PTPN12: variants seen among roughly 807,000 people sequenced by gnomAD.
The protein encoded by PTPN12 is protein tyrosine phosphatase non-receptor type 12.
PTPN12 carries 29 observed loss-of-function variants against 97.6 expected under a neutral mutation model. That is an observed-to-expected ratio of 0.30 (90% CI 0.22 to 0.41). The LOEUF (loss-of-function observed/expected upper bound fraction) is 0.41. Ranked by LOEUF, PTPN12 falls within the 10% of genes least tolerant of loss-of-function variation. The pLI is 1.00. For synonymous variants in PTPN12, 327 were observed against 300.4 expected, an observed-to-expected ratio of 1.09 and a Z score of -0.91; for missense variants, 819 against 926.0, an observed-to-expected ratio of 0.88 and a Z score of 1.50.
At chr7:77,542,134 A>C (rs1004785904) in intron 1 of PTPN12, among the ~76,000 whole-genome samples, 1 of 152,184 alleles carries the variant, frequency 6.6e-6, no homozygotes, top group African/African-American at 2.4e-5. Context: ...AGTTAGGTAG[A>C]GGTCTTTTTG....
chr7:77,548,396 C>T (rs1169653823), intron 1 of PTPN12, among the ~76,000 whole-genome samples: 1 of 152,166 alleles, frequency 6.6e-6, no homozygotes, highest in Non-Finnish European at 1.5e-5. Context: ...TGCTACAAAA[C>T]CATGAAGAAT....
chr7:77,537,985 G>GT, intron 1 of PTPN12: 23 of 995,802 alleles, frequency 2.3e-5, no homozygotes, highest in Non-Finnish European at 2.7e-5. Flanking sequence ...GGCCGGGGGG[G>GT]GGGGCTCGCG....
At chr7:77,589,242 T>C (rs1014526603) in intron 5 of PTPN12, among the ~76,000 whole-genome samples, 1 of 152,172 alleles carries the variant, frequency 6.6e-6, no homozygotes, top group Non-Finnish European at 1.5e-5. Flanking sequence ...TTGTTTCCTA[T>C]CTTCAAAACT....
At chr7:77,615,411 C>T (rs1788714396) in intron 11 of PTPN12, among the ~76,000 whole-genome samples, 1 of 152,050 alleles carries the variant, frequency 6.6e-6, no homozygotes, top group Non-Finnish European at 1.5e-5. Flanking sequence ...TGGAAAATAA[C>T]AGTACGCAAG....
At chr7:77,567,986 T>TC (rs1562717451) in intron 1 of PTPN12, among the ~76,000 whole-genome samples, 3 of 152,156 alleles carry the variant, frequency 2.0e-5, no homozygotes, top group Non-Finnish European at 4.4e-5. Context: ...TGACATTTTT[T>TC]GGTGGGAAAT....
At position 77,537,406 on chromosome 7, in the gene PTPN12, G is replaced by C; in HGVS notation, c.-141G>C. ...CAGCCGCCGCCTAGGGCGGTGGGGAGGAGGAGGGAGCCGCGGGGCTTGGCG... is the reference window on the plus strand; with the variant it reads ...CAGCCGCCGCCTAGGGCGGTGGGGACGAGGAGGGAGCCGCGGGGCTTGGCG... On this transcript the variant is annotated 5_prime_UTR_variant, in exon 1 of 18. Coordinates refer to ENST00000248594, the MANE Select transcript of PTPN12 (RefSeq NM_002835.4). 2 of 1,264,528 alleles carry C rather than the reference G, an allele frequency of 1.6e-6. No individual in the cohort carries two copies. Among genetic ancestry groups the C allele is most frequent in the South Asian group, 3.4e-5 (2 of 59,376 alleles). 78.3% of individuals were successfully genotyped at this position (1,264,528 alleles called of 1,614,324 possible). A position where few individuals can be genotyped will look rare whatever the true frequency, so the allele number is the denominator to read the frequency against.
chr7:77,635,654 G>A, intron 14 of PTPN12, 128 bp from the exon 15 acceptor site: 1 of 512,710 alleles, frequency 2.0e-6, no homozygotes, highest in Non-Finnish European at 3.3e-6. Flanking sequence ...TGCTTACCCA[G>A]AAACTACAAA....
rs779176220 is a variant in PTPN12, at chr7:77,537,664, T to C, written c.99+19T>C. ...CTTCATGGTGAGTCTCTCCCCTCGC[T>C]GTCGCGTTTTCTTGCCGGCGCCGGA... is the stretch of plus-strand genomic sequence containing the variant. On this transcript the variant is annotated intron_variant, in intron 1 of 17. Transcript: ENST00000248594. 5.7e-6 allele frequency: 9 copies of C among 1,573,770 alleles called. No homozygotes were observed. In the South Asian group the frequency reaches 8.1e-5, roughly 14 times the overall value.
chr7:77,637,747 C>G (rs1789645175), intron 16 of PTPN12, among the ~76,000 whole-genome samples: 2 of 147,578 alleles, frequency 1.4e-5, no homozygotes, highest in Admixed American at 1.4e-4. Context: ...ATCCCAGCTA[C>G]TAGGGAGACT....
In PTPN12 at chr7:77,539,998, T is replaced by G. The variant is rs577560477; in HGVS notation, c.99+2353T>G. On this transcript the variant is annotated intron_variant, in intron 1 of 17. Transcript: ENST00000248594. Reference sequence around the variant, plus strand: ...CCGGCCTAAAACTAGTTTTTTACCGTCTTACTTTGGTTATGGAAGAAGAGA... The same window carrying G: ...CCGGCCTAAAACTAGTTTTTTACCGGCTTACTTTGGTTATGGAAGAAGAGA... Among the ~76,000 whole-genome samples the G allele has an allele frequency of 3.3e-5, 5 of 152,116 alleles. No homozygotes were observed. The East Asian group carries it at 9.7e-4, about 30-fold the overall frequency.
chr7:77,600,092 T>A lies in PTPN12; in HGVS notation c.553-572T>A, dbSNP rs148247628. Among the ~76,000 whole-genome samples, 671 of 152,044 alleles carry A rather than the reference T, an allele frequency of 4.4e-3. 5 individuals are homozygous for A. The highest frequency in any genetic ancestry group is 0.016 in the African/African-American group (654 of 41,480). On this transcript the variant is annotated intron_variant, in intron 7 of 17. Coordinates refer to ENST00000248594, the MANE Select transcript of PTPN12 (RefSeq NM_002835.4). ...AAGCTCATAGACTCCCTCAAAAGGG[T>A]TGAGGGGAGGGGGTACCCAGACCGT...
chr7:77,597,129 G>A (rs1442241580), intron 6 of PTPN12, among the ~76,000 whole-genome samples: 1 of 151,844 alleles, frequency 6.6e-6, no homozygotes. Flanking sequence ...TTGTTTGTTT[G>A]TTTGTTTGTT....
chr7:77,595,973 T>A (rs1788010102), intron 6 of PTPN12, among the ~76,000 whole-genome samples: 1 of 152,208 alleles, frequency 6.6e-6, no homozygotes, highest in Non-Finnish European at 1.5e-5. Flanking sequence ...TGTTCTTCCC[T>A]CTTCCTTCTT....
chr7:77,600,573 A>G (rs980290603), intron 7 of PTPN12, 91 bp from the exon 8 acceptor site: 204 of 1,135,050 alleles, frequency 1.8e-4, no homozygotes, highest in Middle Eastern at 2.7e-4. Flanking sequence ...ATGCCACACA[A>G]ATTTCTTAGA....
At chr7:77,584,091 G>T (rs890172812) in intron 4 of PTPN12, among the ~76,000 whole-genome samples, 2 of 152,072 alleles carry the variant, frequency 1.3e-5, no homozygotes, top group African/African-American at 2.4e-5. Flanking sequence ...GTGCCCTCTT[G>T]TTCTTTTGGA....
intron 13 of PTPN12, among the ~76,000 whole-genome samples, chr7:77,630,256 T>C (rs986866504): frequency 2.6e-5 from 4 of 152,220 alleles, no homozygotes; most frequent in African/African-American, 7.2e-5. Context: ...TAGATCATTA[T>C]CTTATAGAGC....
At chr7:77,610,894 C>T (rs775113641) in intron 10 of PTPN12, 52 bp downstream of exon 10, 1 of 1,583,078 alleles carries the variant, frequency 6.3e-7, no homozygotes, top group South Asian at 1.2e-5. Context: ...ATGCTTTCTT[C>T]TTTTTTAAAA....
In PTPN12 at chr7:77,622,330, T is replaced by C. The variant is rs554602156; in HGVS notation, c.1025+3765T>C. On this transcript the variant is annotated intron_variant, in intron 12 of 17. Coordinates refer to ENST00000248594, the MANE Select transcript of PTPN12 (RefSeq NM_002835.4). ...GGGCATTTGACAGAAGCCTCTAATA[T>C]GAAAAAACAGAGGAAATGGAGACAA... 4.6e-5 allele frequency among the ~76,000 whole-genome samples: 7 copies of C among 151,750 alleles called. No homozygotes were observed. The South Asian group carries it at 1.5e-3, about 32-fold the overall frequency.
intron 1 of PTPN12, among the ~76,000 whole-genome samples, chr7:77,567,957 A>G (rs1311105950): frequency 6.6e-6 from 1 of 152,236 alleles, no homozygotes; most frequent in African/African-American, 2.4e-5. Flanking sequence ...ATTTTAATTT[A>G]TGTAGCTTAC....
Sources: gnomAD v4.1 joint callset for allele counts (sites outside exome capture counted in the v4.1 genomes callset) on GRCh38, gnomAD v4.1.1 for gene constraint, MANE v1.5 for transcripts, NCBI Gene and HGNC (gene_info 2026-07-23, HGNC 2026-07-21) for gene names.